The following ELAVL1 variants were observed in gnomAD, a reference collection of about 807,000 sequenced individuals.
ELAVL1 encodes the protein ELAV-like protein 1.
In ELAVL1, 1 loss-of-function variant was observed where a neutral mutation model predicts 28.4. The observed-to-expected ratio is 0.04, with a 90% CI of 0.01 to 0.17. The LOEUF (loss-of-function observed/expected upper bound fraction) is 0.17, where lower values mean the gene tolerates loss of function less well. Among genes scored for constraint, ELAVL1 ranks in the 10% least tolerant of loss-of-function variants. The probability of loss-of-function intolerance (pLI) is 1.00; values close to 1 mark genes in which losing one functional copy is unlikely to be tolerated. For synonymous variants in ELAVL1, 174 were observed against 183.5 expected (o/e 0.95, Z 0.42); for missense variants, 157 against 447.2 (o/e 0.35, Z 5.85).
rs144526364 is a variant in ELAVL1, at chr19:7,965,825, C to G, written c.656+1740G>C. ...TAGCCCGCCCCATCAAGAGCAGGAC[C>G]GACTGTATGATGGGATTTCTAGAGC... is the stretch of plus-strand genomic sequence containing the variant. On this transcript the variant is annotated intron_variant, in intron 5 of 5. Coordinates refer to ENST00000407627, the MANE Select transcript of ELAVL1 (RefSeq NM_001419.3). Among the ~76,000 whole-genome samples the G allele has an allele frequency of 2.6e-5, 4 of 152,186 alleles. No homozygotes were observed. The South Asian group carries it at 6.2e-4, about 24-fold the overall frequency.
intron 1 of ELAVL1, among the ~76,000 whole-genome samples, chr19:8,000,667 C>T (rs1262800906): frequency 6.6e-6 from 1 of 152,236 alleles, no homozygotes; most frequent in African/African-American, 2.4e-5. Flanking sequence ...AAACCCAAAG[C>T]ACCACCTGAC....
At chr19:7,999,344 G>C (rs527858459) in intron 1 of ELAVL1, among the ~76,000 whole-genome samples, 3 of 152,188 alleles carry the variant, frequency 2.0e-5, no homozygotes, top group East Asian at 3.8e-4. Flanking sequence ...CTGCACTCCA[G>C]CCTGGGCAAC....
Position 7,972,633 on chromosome 19 carries a change from C to CT in ELAVL1, c.430+1091dup, listed in dbSNP as rs34254806. Reference sequence around the variant, plus strand: ...TGCAGCAGCCTTTTTTTTTCTTTTTCTTTTTTTTTAAGAAACAGGGTCTTG... The same window carrying CT: ...TGCAGCAGCCTTTTTTTTTCTTTTTCTTTTTTTTTTAAGAAACAGGGTCTTG... On this transcript the variant is annotated intron_variant, in intron 4 of 5. Coordinates refer to ENST00000407627, the MANE Select transcript of ELAVL1 (RefSeq NM_001419.3). Among the ~76,000 whole-genome samples, 28 of 150,050 alleles carry CT rather than the reference C, an allele frequency of 1.9e-4. 2 individuals are homozygous for CT. The South Asian group carries it at 3.6e-3, about 19-fold the overall frequency.
chr19:7,980,831 G>A, intron 3 of ELAVL1, among the ~76,000 whole-genome samples: 2 of 152,292 alleles, frequency 1.3e-5, no homozygotes, highest in South Asian at 4.1e-4. Flanking sequence ...GGAACACAGA[G>A]AGCCAGGCAG....
chr19:7,993,962 C>A lies in ELAVL1; in HGVS notation c.-16-2131G>T, dbSNP rs151138626. Among the ~76,000 whole-genome samples the A allele has an allele frequency of 1.2e-3, 176 of 152,302 alleles. 2 individuals are homozygous for A. Among genetic ancestry groups the A allele is most frequent in the African/African-American group, 3.2e-3 (132 of 41,558 alleles). Reference sequence around the variant, plus strand: ...TAGAAACATCCAGGTCTTCCCTACCCTCCTACTAGTCTCAGACAATGTGGA... The same window carrying A: ...TAGAAACATCCAGGTCTTCCCTACCATCCTACTAGTCTCAGACAATGTGGA... On this transcript the variant is annotated intron_variant, in intron 1 of 5. Transcript: ENST00000407627.
chr19:7,982,331 C>T lies in ELAVL1; in HGVS notation c.173-1145G>A, dbSNP rs762749442. On this transcript the variant is annotated intron_variant, in intron 2 of 5. Transcript: ENST00000407627. This position sits in a 1 kb window ranked among gnomAD's most constrained non-coding sequence, Gnocchi z 4.3. Reference sequence around the variant, plus strand: ...ACATCTGCTGTGGGCCTGAGCCTCACCCAGCACTGCTCCATTCCCCCAGCC... The same window carrying T: ...ACATCTGCTGTGGGCCTGAGCCTCATCCAGCACTGCTCCATTCCCCCAGCC... Among the ~76,000 whole-genome samples, 1 of 152,218 alleles carries T rather than the reference C, an allele frequency of 6.6e-6. No homozygotes were observed. Among genetic ancestry groups the T allele is most frequent in the Non-Finnish European group, 1.5e-5 (1 of 68,044 alleles).
At position 7,982,848 on chromosome 19, in the gene ELAVL1, C is replaced by T. The variant is rs182942252; in HGVS notation, c.173-1662G>A. On this transcript the variant is annotated intron_variant, in intron 2 of 5. Coordinates refer to ENST00000407627, the MANE Select transcript of ELAVL1 (RefSeq NM_001419.3). This position sits in a 1 kb window ranked among gnomAD's most constrained non-coding sequence, Gnocchi z 4.3. ...GGTTTTGAGGACTGGTCGGACATCC[C>T]GTAGACTCTCGATTGGGTTTGCTGG... 4.4e-3 allele frequency among the ~76,000 whole-genome samples: 672 copies of T among 152,294 alleles called. 5 individuals are homozygous for T. Among genetic ancestry groups the T allele is most frequent in the Non-Finnish European group, 5.8e-3 (394 of 68,020 alleles).
In ELAVL1 at chr19:7,980,850, A is replaced by T. The variant is rs537124086; in HGVS notation, c.276+233T>A. Among the ~76,000 whole-genome samples the T allele has an allele frequency of 2.1e-3, 319 of 152,238 alleles. 1 individual carries two copies. Among genetic ancestry groups the T allele is most frequent in the African/African-American group, 7.2e-3 (299 of 41,538 alleles). ...CACAGAGAGCCAGGCAGGAGAGACG[A>T]CAGGGGAGGCCTGGGAGCTGACGCA... On this transcript the variant is annotated intron_variant, in intron 3 of 5. Coordinates refer to ENST00000407627, the MANE Select transcript of ELAVL1 (RefSeq NM_001419.3).
At chr19:8,004,048 C>A (rs1444799765) in intron 1 of ELAVL1, among the ~76,000 whole-genome samples, 1 of 152,114 alleles carries the variant, frequency 6.6e-6, no homozygotes, top group Non-Finnish European at 1.5e-5. Context: ...ATCAAGTGAC[C>A]CATCTAAGCC....
At position 7,962,884 on chromosome 19, in the gene ELAVL1, T is replaced by TGGCCCCC. The variant is rs1310835449; in HGVS notation, c.*592_*598dup. The TGGCCCCC allele has an allele frequency of 1.3e-5, 2 of 152,916 alleles. No individual in the cohort carries two copies. Among genetic ancestry groups the TGGCCCCC allele is most frequent in the South Asian group, 2.1e-4 (1 of 4,836 alleles). The allele number at this position is 152,916 out of a possible 1,614,324, so 9.5% of individuals were successfully genotyped here. ...GAGGGCCCGCCCAGCATGCAGCCCG[T>TGGCCCCC]GGCCCCCGGCCCCAGTGGTGGCCCA... On this transcript the variant is annotated 3_prime_UTR_variant, in exon 6 of 6. Transcript: ENST00000407627.
chr19:7,994,753 A>T (rs1240757392), intron 1 of ELAVL1, among the ~76,000 whole-genome samples: 1 of 152,210 alleles, frequency 6.6e-6, no homozygotes, highest in Non-Finnish European at 1.5e-5. Flanking sequence ...GGAGTTCAAG[A>T]CCAGTCTGGA....
chr19:8,000,609 C>T (rs551857504), intron 1 of ELAVL1, among the ~76,000 whole-genome samples: 1 of 152,300 alleles, frequency 6.6e-6, no homozygotes, highest in South Asian at 2.1e-4. Context: ...CTGAGTCTTC[C>T]AGGTAAAAAA....
rs1392143313 is a variant in ELAVL1 at position 7,973,773 on chromosome 19, G to C, written c.382C>G (p.Arg128Gly). Residue 128 changes from arginine to glycine, a missense_variant, in exon 4 of 6, where the codon CGG becomes GGG. Arg to Gly is a moderately radical substitution (Grantham distance 125). Transcript: ENST00000407627. The part of the protein sequence containing the change: ...TQKDVEDMFS[R>G]FGRIINSRVL... ...CGCGAGTTGATGATCCGCCCAAACC[G>C]AGAGAACATGTCTTCTACGTCCTTC... 2 of 1,614,150 alleles carry C rather than the reference G, an allele frequency of 1.2e-6. No individual in the cohort carries two copies. The highest frequency in any genetic ancestry group is 1.7e-6 in the Non-Finnish European group (2 of 1,180,022).
chr19:7,961,345 G>A lies in ELAVL1; in HGVS notation c.*2138C>T, dbSNP rs894883721. On this transcript the variant is annotated 3_prime_UTR_variant, in exon 6 of 6. Transcript: ENST00000407627. ...TGTTGGCTCCCACCTTCCATCAGAA[G>A]GGTGTTGGCTCCCACCTTCCATCAG... is the stretch of plus-strand genomic sequence containing the variant. 6 of 151,810 alleles carry A rather than the reference G, an allele frequency of 4.0e-5. No individual in the cohort carries two copies. Among genetic ancestry groups the A allele is most frequent in the Non-Finnish European group, 7.4e-5 (5 of 67,944 alleles). The allele number at this position is 151,810 out of a possible 1,614,324, so 9.4% of individuals were successfully genotyped here.
At chr19:7,999,625 C>G (rs2081060702) in intron 1 of ELAVL1, among the ~76,000 whole-genome samples, 1 of 152,152 alleles carries the variant, frequency 6.6e-6, no homozygotes, top group Non-Finnish European at 1.5e-5. Context: ...GCTCTCAGAC[C>G]AGGCTGGAGT....
intron 1 of ELAVL1, among the ~76,000 whole-genome samples, chr19:8,003,688 T>A (rs1390790342): frequency 3.5e-5 from 4 of 114,294 alleles, no homozygotes; most frequent in Non-Finnish European, 5.1e-5. Flanking sequence ...TGAGACTCCG[T>A]CTCAAAAAAA....
Position 7,991,696 on chromosome 19 carries a change from G to A in ELAVL1, c.120C>T (p.Phe40=). ...NMTQDELRSL[F]SSIGEVESAK... ...CAGATTCAACTTCACCAATGCTGCT[G>A]AACAGGCTTCGTAACTCATCCTGGG... The change falls in exon 2 of 6, where the codon TTC becomes TTT. Residue 40 remains phenylalanine, a synonymous_variant. Coordinates refer to ENST00000407627, the MANE Select transcript of ELAVL1 (RefSeq NM_001419.3). 6.2e-7 allele frequency: 1 copy of A among 1,613,888 alleles called. No homozygotes were observed. The highest frequency in any genetic ancestry group is 1.1e-5 in the South Asian group (1 of 90,986).
chr19:7,979,336 C>T lies in ELAVL1; in HGVS notation c.276+1747G>A, dbSNP rs1335033437. On this transcript the variant is annotated intron_variant, in intron 3 of 5. Coordinates refer to ENST00000407627, the MANE Select transcript of ELAVL1 (RefSeq NM_001419.3). The surrounding 1 kb of genome is among the most constrained non-coding windows in gnomAD (Gnocchi z 5.4). ...CTGCCCAGGCCTGGGCCCCTGGGGT[C>T]CCGTGAGGCTCTGGCTCCAAACTCA... Among the ~76,000 whole-genome samples the T allele has an allele frequency of 2.0e-5, 3 of 152,186 alleles. No individual in the cohort carries two copies. Among genetic ancestry groups the T allele is most frequent in the Admixed American group, 1.3e-4 (2 of 15,286 alleles).
At chr19:8,005,077 G>T (rs564202548) in intron 1 of ELAVL1, among the ~76,000 whole-genome samples, 3 of 152,230 alleles carry the variant, frequency 2.0e-5, no homozygotes, top group East Asian at 1.9e-4. Flanking sequence ...GACCACAAAA[G>T]AATCTGTGGG....
Sources: allele counts gnomAD v4.1 joint callset (sites outside exome capture counted in the v4.1 genomes callset), GRCh38; gene constraint gnomAD v4.1.1; non-coding constraint Gnocchi (gnomAD v3.1); transcripts MANE v1.5; gene names NCBI Gene and HGNC (gene_info 2026-07-23, HGNC 2026-07-21).